Variants in DPYD observed in about 807,000 individuals in gnomAD.
The protein encoded by DPYD is dihydropyrimidine dehydrogenase.
Under a neutral mutation model 116.2 loss-of-function variants are expected in DPYD, and 109 were observed. That is an observed-to-expected ratio of 0.94 (90% CI 0.80 to 1.10). The LOEUF is 1.10. DPYD is among the 50% of genes least tolerant of loss of function. The pLI, the probability that DPYD is intolerant of heterozygous loss-of-function variation, is 0.00. For synonymous variants in DPYD, 440 were observed against 432.0 expected (o/e 1.02, Z -0.23); for missense variants, 1,302 against 1,254.5 (o/e 1.04, Z -0.57).
At chr1:97,595,037 C>T in intron 9 of DPYD, 22 bp downstream of exon 9, 1 of 1,536,456 alleles carries the variant, frequency 6.5e-7, no homozygotes, top group South Asian at 1.1e-5. Flanking sequence ...CACTATTAAG[C>T]ATAAAAGACA....
rs1392693387 is a variant in DPYD at position 97,549,656 on chromosome 1, T to C, written c.1428A>G (p.Val476=). 4.3e-6 allele frequency: 7 copies of C among 1,613,836 alleles called. No individual in the cohort carries two copies. The highest frequency in any genetic ancestry group is 5.9e-6 in the Non-Finnish European group (7 of 1,179,852). ...PETMQTSEAW[V]FAGGDVVGLA... Reference sequence around the variant, plus strand: ...AACCAACGACATCACCACCTGCAAATACCCATGCTTCACTAGTTTGCATAG... The same window carrying C: ...AACCAACGACATCACCACCTGCAAACACCCATGCTTCACTAGTTTGCATAG... Residue 476 remains valine (V), a synonymous_variant, in exon 12 of 23, where the codon GTA becomes GTG. Transcript: ENST00000370192.
At chr1:97,433,788 A>T (rs1485592966) in intron 14 of DPYD, among the ~76,000 whole-genome samples, 1 of 152,152 alleles carries the variant, frequency 6.6e-6, no homozygotes, top group South Asian at 2.1e-4. Context: ...GTTGAATAGT[A>T]TGTATGAAAA....
intron 3 of DPYD, among the ~76,000 whole-genome samples, chr1:97,785,307 A>G (rs759049223): frequency 6.6e-6 from 1 of 152,170 alleles, no homozygotes; most frequent in African/African-American, 2.4e-5. Context: ...GTAAAAATCT[A>G]TCTCCCTGAG....
chr1:97,753,654 A>T (rs866222387), intron 3 of DPYD, among the ~76,000 whole-genome samples: 3 of 152,180 alleles, frequency 2.0e-5, no homozygotes, highest in African/African-American at 7.2e-5. Context: ...CTAGGAACTC[A>T]GCAATAATAC....
intron 20 of DPYD, among the ~76,000 whole-genome samples, chr1:97,148,329 G>A (rs1654785968): frequency 6.6e-6 from 1 of 151,932 alleles, no homozygotes; most frequent in Non-Finnish European, 1.5e-5. Flanking sequence ...CCTGATGAAA[G>A]TTCCATACTA....
intron 19 of DPYD, among the ~76,000 whole-genome samples, chr1:97,194,239 G>T (rs1438957098): frequency 6.6e-6 from 1 of 152,118 alleles, no homozygotes; most frequent in Non-Finnish European, 1.5e-5. Flanking sequence ...GGGACCTGGT[G>T]GGGGTAACTG....
intron 16 of DPYD, among the ~76,000 whole-genome samples, chr1:97,310,571 A>T (rs1016486465): frequency 4.0e-5 from 6 of 151,784 alleles, no homozygotes; most frequent in African/African-American, 1.4e-4. Context: ...GAATGCAAAG[A>T]CTATGTGTTG....
intron 18 of DPYD, among the ~76,000 whole-genome samples, chr1:97,283,083 T>C (rs994494990): frequency 3.9e-5 from 6 of 152,146 alleles, no homozygotes; most frequent in Non-Finnish European, 8.8e-5. Flanking sequence ...TACACCTATC[T>C]TTTTTCTTTT....
rs116298028 is a variant in DPYD, at chr1:97,390,515, A to G, written c.1906-8054T>C. On this transcript the variant is annotated intron_variant, in intron 14 of 22. Transcript: ENST00000370192. Reference sequence around the variant, plus strand: ...GTGAGATTGGTGCAATATTCCTGAAATATATACATTGACTATAAGACATTT... The same window carrying G: ...GTGAGATTGGTGCAATATTCCTGAAGTATATACATTGACTATAAGACATTT... Among the ~76,000 whole-genome samples, 1,159 of 152,192 alleles carry G rather than the reference A, an allele frequency of 7.6e-3. 17 individuals carry two copies. Among genetic ancestry groups the G allele is most frequent in the African/African-American group, 0.027 (1,107 of 41,546 alleles).
At chr1:97,611,477 T>A in intron 8 of DPYD, among the ~76,000 whole-genome samples, 1 of 152,036 alleles carries the variant, frequency 6.6e-6, no homozygotes, top group Non-Finnish European at 1.5e-5. Context: ...AAATAAAATA[T>A]CTTATTGTTG....
At chr1:97,478,318 T>TTA (rs1163847315) in intron 13 of DPYD, among the ~76,000 whole-genome samples, 4 of 152,200 alleles carry the variant, frequency 2.6e-5, no homozygotes, top group Non-Finnish European at 1.5e-5. Context: ...AGATGGAGTC[T>TTA]TACTCTGTTG....
chr1:97,821,016 C>T (rs538342701), intron 3 of DPYD, among the ~76,000 whole-genome samples: 2 of 152,148 alleles, frequency 1.3e-5, no homozygotes, highest in Admixed American at 6.5e-5. Flanking sequence ...CAAGTACCTT[C>T]CAATTGCATA....
At chr1:97,274,509 G>A (rs900788023) in intron 18 of DPYD, among the ~76,000 whole-genome samples, 4 of 152,254 alleles carry the variant, frequency 2.6e-5, no homozygotes, top group Non-Finnish European at 4.4e-5. Flanking sequence ...AGAGTCTGCA[G>A]AACCTGGAAA....
chr1:97,785,693 T>C (rs1003740839), intron 3 of DPYD, among the ~76,000 whole-genome samples: 2 of 136,620 alleles, frequency 1.5e-5, no homozygotes, highest in African/African-American at 5.6e-5. Context: ...TTTTTTTTTT[T>C]TTTTTTTTTT....
chr1:97,545,834 T>C (rs1455783729), intron 12 of DPYD: 16 of 1,180,326 alleles, frequency 1.4e-5, no homozygotes, highest in Non-Finnish European at 2.0e-5. Context: ...TCTCCCCTTC[T>C]GCAGCTCCCT....
At chr1:97,249,526 A>C (rs1557971701) in intron 18 of DPYD, among the ~76,000 whole-genome samples, 3 of 152,124 alleles carry the variant, frequency 2.0e-5, no homozygotes, top group African/African-American at 7.2e-5. Flanking sequence ...GGGAGAAGAA[A>C]AGGAGAATAT....
At chr1:97,866,991 C>A (rs1451079598) in intron 2 of DPYD, among the ~76,000 whole-genome samples, 1 of 151,494 alleles carries the variant, frequency 6.6e-6, no homozygotes, top group Non-Finnish European at 1.5e-5. Context: ...CTGAGTGACA[C>A]AGGAAGACAA....
intron 4 of DPYD, among the ~76,000 whole-genome samples, chr1:97,731,579 C>T (rs1663614649): frequency 6.6e-6 from 1 of 151,764 alleles, no homozygotes; most frequent in African/African-American, 2.4e-5. Flanking sequence ...TTGTTAATAT[C>T]GATAGTATAG....
At chr1:97,169,887 C>T (rs1656598355) in intron 20 of DPYD, among the ~76,000 whole-genome samples, 1 of 152,152 alleles carries the variant, frequency 6.6e-6, no homozygotes, top group African/African-American at 2.4e-5. Flanking sequence ...TCCATCTCCA[C>T]CTGCATCCCT....
Sources: gnomAD v4.1 joint callset for allele counts (sites outside exome capture counted in the v4.1 genomes callset) on GRCh38, gnomAD v4.1.1 for gene constraint, MANE v1.5 for transcripts, NCBI Gene and HGNC (gene_info 2026-07-23, HGNC 2026-07-21) for gene names.